The following AGPS variants were observed in gnomAD, a reference collection of about 807,000 sequenced individuals.
The protein encoded by AGPS is alkyldihydroxyacetonephosphate synthase, peroxisomal.
In AGPS, 26 loss-of-function variants were observed where a neutral mutation model predicts 90.7. The observed-to-expected ratio is 0.29, with a 90% CI of 0.21 to 0.40. AGPS has a LOEUF of 0.40. AGPS is among the 10% of genes least tolerant of loss of function. AGPS has a pLI of 1.00. For missense variants in AGPS, 540 were observed against 816.1 expected (o/e 0.66, Z 4.12); for synonymous variants, 294 against 285.3 (o/e 1.03, Z -0.31).
intron 1 of AGPS, among the ~76,000 whole-genome samples, chr2:177,407,036 G>A (rs1171892550): frequency 6.6e-6 from 1 of 152,158 alleles, no homozygotes; most frequent in African/African-American, 2.4e-5. Context: ...TTGCTTCCTA[G>A]TTAGGAGTGT....
intron 2 of AGPS, among the ~76,000 whole-genome samples, chr2:177,429,892 G>T (rs1326083782): frequency 6.6e-6 from 1 of 152,204 alleles, no homozygotes; most frequent in Non-Finnish European, 1.5e-5. Flanking sequence ...GGCTGGAAAG[G>T]CTGAGTCAAC....
At position 177,539,326 on chromosome 2, in the gene AGPS, C is replaced by T. The variant is rs1182186262; in HGVS notation, c.*1131C>T. ...AAATGTAATGTATTAATGCATATAC[C>T]ATAATCAAAAGTTTGAAATATCCTG... is the stretch of plus-strand genomic sequence containing the variant. On this transcript the variant is annotated 3_prime_UTR_variant, in exon 20 of 20. Transcript: ENST00000264167. 6.6e-6 allele frequency: 1 copy of T among 151,508 alleles called. No individual in the cohort carries two copies. The highest frequency in any genetic ancestry group is 1.5e-5 in the Non-Finnish European group (1 of 67,828). 9.4% of individuals were successfully genotyped at this position (151,508 alleles called of 1,614,324 possible). A position where few individuals can be genotyped will look rare whatever the true frequency, so the allele number is the denominator to read the frequency against.
At chr2:177,515,067 AG>A (rs1371840593) in intron 17 of AGPS, among the ~76,000 whole-genome samples, 1 of 150,652 alleles carries the variant, frequency 6.6e-6, no homozygotes, top group Admixed American at 6.7e-5. Context: ...AAAGGCAAAG[AG>A]AGGTCTTGTT....
At chr2:177,408,031 C>T (rs1685512738) in intron 1 of AGPS, among the ~76,000 whole-genome samples, 1 of 152,100 alleles carries the variant, frequency 6.6e-6, no homozygotes, top group Non-Finnish European at 1.5e-5. Context: ...GTTCTCCCAC[C>T]TCAGTCTCCT....
chr2:177,427,390 T>A (rs1471307831), intron 2 of AGPS, among the ~76,000 whole-genome samples: 1 of 152,224 alleles, frequency 6.6e-6, no homozygotes, highest in Non-Finnish European at 1.5e-5. Context: ...TGTGTTCTGC[T>A]ACCTTTGGAG....
chr2:177,513,907 A>C lies in AGPS; in HGVS notation c.1696A>C (p.Arg566=). ...GVQFAPFSTC[R]VTQTYDAGAC... ...TCAGTTTGCTCCTTTTTCTACATGC[A>C]GGTAAGTTTTAAAAATTGTTCTTAT... The change falls in exon 17 of 20, where the codon AGG becomes CGG. Residue 566 remains arginine, a splice_region_variant and synonymous_variant. Transcript: ENST00000264167. The C allele has an allele frequency of 6.2e-7, 1 of 1,609,852 alleles. No individual in the cohort carries two copies. The highest frequency in any genetic ancestry group is 1.7e-4 in the Middle Eastern group (1 of 6,044).
At chr2:177,429,271 C>G (rs551962832) in intron 2 of AGPS, among the ~76,000 whole-genome samples, 1 of 152,214 alleles carries the variant, frequency 6.6e-6, no homozygotes, top group East Asian at 1.9e-4. Context: ...TTTAGCTCAG[C>G]GAAGTTCGTT....
chr2:177,505,395 T>G, intron 14 of AGPS, 111 bp from the exon 15 acceptor site: 1 of 922,810 alleles, frequency 1.1e-6, no homozygotes, highest in Non-Finnish European at 1.7e-6. Flanking sequence ...ATATTAAAAG[T>G]GTTTTCAGAT....
At chr2:177,418,673 A>G (rs967318545) in intron 1 of AGPS, among the ~76,000 whole-genome samples, 4 of 151,986 alleles carry the variant, frequency 2.6e-5, no homozygotes, top group Admixed American at 1.3e-4. Context: ...ATAAGAAAAT[A>G]CTAAGTAAAT....
At chr2:177,534,337 T>A (rs1442110759) in intron 19 of AGPS, among the ~76,000 whole-genome samples, 1 of 152,184 alleles carries the variant, frequency 6.6e-6, no homozygotes, top group East Asian at 1.9e-4. Flanking sequence ...TTCTTGAATC[T>A]CTTAGCATCC....
intron 5 of AGPS, among the ~76,000 whole-genome samples, 182 bp from the exon 6 acceptor site, chr2:177,440,783 A>T (rs1169030723): frequency 6.6e-6 from 1 of 152,152 alleles, no homozygotes. Context: ...TTGTAAGTCA[A>T]ATTATTTCAA....
At chr2:177,414,897 C>CGTGTGTGTGTGTGT (rs397986794) in intron 1 of AGPS, among the ~76,000 whole-genome samples, 69,266 of 145,994 alleles carry the variant, frequency 0.47, 19,071 homozygotes, top group Admixed American at 0.62. Context: ...TATGAAGGTT[C>CGTGTGTGTGTGTGT]GTGTGTGTGT....
intron 15 of AGPS, among the ~76,000 whole-genome samples, chr2:177,505,895 C>T (rs1450383292): frequency 6.6e-6 from 1 of 151,864 alleles, no homozygotes; most frequent in Admixed American, 6.6e-5. Flanking sequence ...TACTTAGCAA[C>T]ACTCTTCACT....
intron 14 of AGPS, among the ~76,000 whole-genome samples, chr2:177,500,169 A>T (rs567357788): frequency 3.0e-4 from 46 of 152,092 alleles, no homozygotes; most frequent in Middle Eastern, 3.4e-3. Flanking sequence ...TTGATAAATT[A>T]TCTATACTGC....
rs184350529 is a variant in AGPS, at chr2:177,412,594, G to A, written c.261-7675G>A. On this transcript the variant is annotated intron_variant, in intron 1 of 19. Transcript: ENST00000264167. ...CTGATTCTAAGGAAGGATAGCAAGC[G>A]AAAGTAGTCCAATATTACTCACCGC... 3.9e-5 allele frequency among the ~76,000 whole-genome samples: 6 copies of A among 152,244 alleles called. No individual in the cohort carries two copies. The East Asian group carries it at 5.8e-4, about 15-fold the overall frequency.
chr2:177,439,949 T>C (rs1386229962), intron 5 of AGPS, among the ~76,000 whole-genome samples: 1 of 152,140 alleles, frequency 6.6e-6, no homozygotes, highest in Non-Finnish European at 1.5e-5. Context: ...TTGTTACTTG[T>C]ATAACTTTTA....
At chr2:177,514,173 A>G (rs1201566085) in intron 17 of AGPS, among the ~76,000 whole-genome samples, 1 of 152,016 alleles carries the variant, frequency 6.6e-6, no homozygotes, top group Non-Finnish European at 1.5e-5. Context: ...AGGTGTCTGG[A>G]CTCCTGGAAA....
chr2:177,472,691 C>A (rs1470532517), intron 10 of AGPS, among the ~76,000 whole-genome samples: 1 of 152,068 alleles, frequency 6.6e-6, no homozygotes, highest in Admixed American at 6.6e-5. Flanking sequence ...ACACTTCTAC[C>A]CTCTGCTATG....
intron 11 of AGPS, among the ~76,000 whole-genome samples, chr2:177,491,657 T>C (rs531105768): frequency 6.6e-6 from 1 of 151,764 alleles, no homozygotes; most frequent in East Asian, 1.9e-4. Flanking sequence ...GTTTTATGAA[T>C]AGTGTTTGCA....
Sources: gnomAD v4.1 joint callset for allele counts (sites outside exome capture counted in the v4.1 genomes callset) on GRCh38, gnomAD v4.1.1 for gene constraint, MANE v1.5 for transcripts, NCBI Gene and HGNC (gene_info 2026-07-23, HGNC 2026-07-21) for gene names.